The following NOS1AP variants were observed in gnomAD, a reference collection of about 807,000 sequenced individuals.
The protein encoded by NOS1AP is carboxyl-terminal PDZ ligand of neuronal nitric oxide synthase protein.
In NOS1AP, 21 loss-of-function variants were observed where a neutral mutation model predicts 56.2. That is an observed-to-expected ratio of 0.37 (90% CI 0.26 to 0.54). The LOEUF (loss-of-function observed/expected upper bound fraction) is 0.54. NOS1AP is among the 20% of genes least tolerant of loss of function. The pLI is 0.84. For synonymous variants in NOS1AP, 270 were observed against 274.6 expected, an observed-to-expected ratio of 0.98 and a Z score of 0.17; for missense variants, 522 against 657.8, an observed-to-expected ratio of 0.79 and a Z score of 2.26.
At chr1:162,233,744 G>A (rs1202321169) in intron 2 of NOS1AP, among the ~76,000 whole-genome samples, 1 of 152,126 alleles carries the variant, frequency 6.6e-6, no homozygotes, top group Non-Finnish European at 1.5e-5. Context: ...TTGAACTCAA[G>A]CCTCTCAAAA....
chr1:162,341,904 T>C (rs1571231191), intron 5 of NOS1AP, among the ~76,000 whole-genome samples: 1 of 152,204 alleles, frequency 6.6e-6, no homozygotes. Flanking sequence ...CCCACATTTG[T>C]TAGGGACTGT....
At chr1:162,150,660 C>G (rs1217887110) in intron 1 of NOS1AP, among the ~76,000 whole-genome samples, 2 of 152,130 alleles carry the variant, frequency 1.3e-5, no homozygotes, top group African/African-American at 4.8e-5. Flanking sequence ...GTCATTTTAA[C>G]TGGGGTGAAA....
chr1:162,204,076 G>T (rs1652083370), intron 2 of NOS1AP, among the ~76,000 whole-genome samples: 2 of 147,064 alleles, frequency 1.4e-5, no homozygotes, highest in Admixed American at 6.8e-5. Flanking sequence ...TTCAAGTCTT[G>T]TTAGTGCGTG....
Position 162,367,395 on chromosome 1 carries a change from G to A in NOS1AP, c.1449G>A (p.Glu483=). Residue 483 remains glutamate, a synonymous_variant, in exon 10 of 10, where the codon GAG becomes GAA. Coordinates refer to ENST00000361897, the MANE Select transcript of NOS1AP (RefSeq NM_014697.3). The surrounding 1 kb of genome is among the most constrained non-coding windows in gnomAD (Gnocchi z 6.5). The stretch of plus-strand genomic sequence containing the variant: ...AGCGCGACTCGTGGTCCCAGGAGGA[G>A]CTGCCGCGCCTGCTGAATGTCCTGC... ...SEERDSWSQE[E]LPRLLNVLQR... 1 of 1,601,938 alleles carries A rather than the reference G, an allele frequency of 6.2e-7. No homozygotes were observed. The highest frequency in any genetic ancestry group is 8.5e-7 in the Non-Finnish European group (1 of 1,173,394).
chr1:162,123,077 T>G (rs1356085865), intron 1 of NOS1AP, among the ~76,000 whole-genome samples: 2 of 152,248 alleles, frequency 1.3e-5, no homozygotes, highest in Non-Finnish European at 2.9e-5. Context: ...ATTGACTTTC[T>G]CCAGTGCTTA....
Position 162,167,909 on chromosome 1 carries a change from A to T in NOS1AP, c.177+13433A>T, listed in dbSNP as rs529545650. 6.6e-5 allele frequency among the ~76,000 whole-genome samples: 10 copies of T among 152,032 alleles called. No individual in the cohort carries two copies. In the South Asian group the frequency reaches 2.1e-3, roughly 32 times the overall value. On this transcript the variant is annotated intron_variant, in intron 2 of 9. Transcript: ENST00000361897. ...GAGGTATTAATCTAAAAGCCATTTC[A>T]TGGAAAAAAGCAACAAGGAACTGGT... is the stretch of plus-strand genomic sequence containing the variant.
At position 162,279,728 on chromosome 1, in the gene NOS1AP, A is replaced by T. The variant is rs146676903; in HGVS notation, c.178-7616A>T. Among the ~76,000 whole-genome samples the T allele has an allele frequency of 1.8e-3, 269 of 152,308 alleles. 3 individuals are homozygous for T. The highest frequency in any genetic ancestry group is 6.3e-3 in the African/African-American group (262 of 41,566). ...GTTATAAAATGGGGTTTGTGTGCTC[A>T]TGAGACAGCTCATTAACCATGTATT... On this transcript the variant is annotated intron_variant, in intron 2 of 9. Transcript: ENST00000361897.
At chr1:162,336,053 A>C (rs1656931094) in intron 5 of NOS1AP, among the ~76,000 whole-genome samples, 1 of 152,196 alleles carries the variant, frequency 6.6e-6, no homozygotes, top group Admixed American at 6.5e-5. Flanking sequence ...GAAGCTAGAA[A>C]GCAAAAATAT....
intron 1 of NOS1AP, among the ~76,000 whole-genome samples, chr1:162,086,075 G>A (rs917830844): frequency 6.6e-6 from 1 of 152,126 alleles, no homozygotes; most frequent in Non-Finnish European, 1.5e-5. Context: ...TGAGCTTTCT[G>A]TAGAGCATAC....
At chr1:162,278,142 A>G (rs902596649) in intron 2 of NOS1AP, among the ~76,000 whole-genome samples, 1 of 152,136 alleles carries the variant, frequency 6.6e-6, no homozygotes, top group Non-Finnish European at 1.5e-5. Flanking sequence ...GGCCTCACCA[A>G]ATGCCTTCAT....
At chr1:162,235,442 A>T (rs891681071) in intron 2 of NOS1AP, among the ~76,000 whole-genome samples, 1 of 152,108 alleles carries the variant, frequency 6.6e-6, no homozygotes, top group Non-Finnish European at 1.5e-5. Flanking sequence ...CCTCTCCCTG[A>T]TCTCTGCACC....
intron 2 of NOS1AP, among the ~76,000 whole-genome samples, chr1:162,217,267 C>CTTTTTTTCTTTTTTTTTTTTTT (rs1652605034): frequency 1.5e-5 from 1 of 68,368 alleles, no homozygotes; most frequent in Non-Finnish European, 2.6e-5. Flanking sequence ...CTGTTGTTAG[C>CTTTTTTTCTTTTTTTTTTTTTT]TTTTTTTTTT....
chr1:162,209,458 T>C (rs573569997), intron 2 of NOS1AP, among the ~76,000 whole-genome samples: 1 of 152,290 alleles, frequency 6.6e-6, no homozygotes, highest in African/African-American at 2.4e-5. Flanking sequence ...TACAAACCTC[T>C]GGATGTGAGG....
intron 2 of NOS1AP, among the ~76,000 whole-genome samples, chr1:162,283,723 T>C (rs1033574307): frequency 3.3e-5 from 5 of 152,218 alleles, no homozygotes; most frequent in African/African-American, 1.2e-4. Flanking sequence ...CACTTTCCCC[T>C]GGCCTTTCCA....
intron 2 of NOS1AP, among the ~76,000 whole-genome samples, chr1:162,238,292 G>A (rs561523516): frequency 6.1e-4 from 93 of 152,208 alleles, no homozygotes; most frequent in African/African-American, 2.0e-3. Flanking sequence ...AACCCCCTCA[G>A]CTGGGTATTT....
chr1:162,361,104 G>A (rs566161029), intron 8 of NOS1AP, among the ~76,000 whole-genome samples: 7 of 152,288 alleles, frequency 4.6e-5, no homozygotes, highest in East Asian at 3.9e-4. Context: ...GGACGTGGCC[G>A]TAGTGTCACA....
intron 1 of NOS1AP, among the ~76,000 whole-genome samples, chr1:162,123,503 C>A (rs1648337048): frequency 6.6e-6 from 1 of 152,142 alleles, no homozygotes; most frequent in Non-Finnish European, 1.5e-5. Flanking sequence ...TCCTCTTTCA[C>A]CCTATATGTA....
At chr1:162,305,734 A>G (rs1386625753) in intron 4 of NOS1AP, among the ~76,000 whole-genome samples, 1 of 152,236 alleles carries the variant, frequency 6.6e-6, no homozygotes, top group Non-Finnish European at 1.5e-5. Context: ...ATGAAGTTAT[A>G]CATTCATTTT....
At chr1:162,106,446 C>T (rs1377507977) in intron 1 of NOS1AP, among the ~76,000 whole-genome samples, 1 of 152,166 alleles carries the variant, frequency 6.6e-6, no homozygotes, top group African/African-American at 2.4e-5. Flanking sequence ...TAAAAACTTA[C>T]ATTTTCTTGC....
Sources: gnomAD v4.1 joint callset for allele counts (sites outside exome capture counted in the v4.1 genomes callset) on GRCh38, gnomAD v4.1.1 for gene constraint, Gnocchi (gnomAD v3.1) non-coding constraint, MANE v1.5 for transcripts, NCBI Gene and HGNC (gene_info 2026-07-23, HGNC 2026-07-21) for gene names.